The following SOX5 variants were observed in gnomAD, a reference collection of about 807,000 sequenced individuals.
The protein encoded by SOX5 is transcription factor SOX-5.
SOX5 carries 9 observed loss-of-function variants against 92.0 expected under a neutral mutation model. The ratio of observed to expected loss-of-function variants is 0.10; its 90% CI spans 0.06 to 0.17. The LOEUF (loss-of-function observed/expected upper bound fraction) is 0.17, where lower values mean the gene tolerates loss of function less well. Ranked by LOEUF, SOX5 falls within the 10% of genes least tolerant of loss-of-function variation. SOX5 has a pLI of 1.00. For synonymous variants in SOX5, 344 were observed against 336.3 expected, an observed-to-expected ratio of 1.02 and a Z score of -0.25; for missense variants, 642 against 944.5, an observed-to-expected ratio of 0.68 and a Z score of 4.20.
chr12:24,287,453 C>T (rs1595188252), intron 2 of SOX5, among the ~76,000 whole-genome samples: 2 of 152,092 alleles, frequency 1.3e-5, no homozygotes, highest in South Asian at 2.1e-4. Context: ...GCTTCCTTGC[C>T]GCTGTCAGCC....
At chr12:24,033,462 G>A (rs1275464661) in intron 4 of SOX5, among the ~76,000 whole-genome samples, 3 of 151,864 alleles carry the variant, frequency 2.0e-5, no homozygotes, top group Non-Finnish European at 4.4e-5. Flanking sequence ...AAAGTTTCTA[G>A]GCTTTTTATG....
chr12:23,629,622 A>C (rs1461625990), intron 8 of SOX5, among the ~76,000 whole-genome samples: 1 of 152,082 alleles, frequency 6.6e-6, no homozygotes, highest in Admixed American at 6.6e-5. Flanking sequence ...GCTTGAACAT[A>C]CTTGGAGTCC....
chr12:23,749,367 C>T (rs1044748553), intron 4 of SOX5, among the ~76,000 whole-genome samples: 1 of 151,824 alleles, frequency 6.6e-6, no homozygotes, highest in African/African-American at 2.4e-5. Context: ...AGTATTCTTA[C>T]CTTTTTAAAT....
At chr12:23,697,583 C>A (rs2090051767) in intron 6 of SOX5, among the ~76,000 whole-genome samples, 1 of 152,148 alleles carries the variant, frequency 6.6e-6, no homozygotes, top group Non-Finnish European at 1.5e-5. Flanking sequence ...CAGGTTCTCA[C>A]TCCGCCACCC....
intron 4 of SOX5, among the ~76,000 whole-genome samples, chr12:24,190,427 C>T (rs924337519): frequency 3.3e-5 from 5 of 152,174 alleles, no homozygotes; most frequent in African/African-American, 1.2e-4. Context: ...TTCTTAAAAA[C>T]CTATACGGAG....
rs61912573 is a variant in SOX5 at position 24,368,937 on chromosome 12, G to A, written c.-250-298C>T. On this transcript the variant is annotated intron_variant, in intron 1 of 4. Transcript: ENST00000446891. ...CAGTGAAGTGTTTGAGATGTCCTTT[G>A]GAGTTAGGCCAACAGAGGTCCAAAC... Among the ~76,000 whole-genome samples, 344 of 152,242 alleles carry A rather than the reference G, an allele frequency of 2.3e-3. 1 individual carries two copies. The highest frequency in any genetic ancestry group is 6.4e-3 in the South Asian group (31 of 4,818).
chr12:23,641,049 C>A, intron 7 of SOX5, 152 bp from the exon 8 acceptor site: 1 of 543,450 alleles, frequency 1.8e-6, no homozygotes, highest in East Asian at 3.2e-5. Context: ...TACTAACACT[C>A]TTTTCACAAT....
chr12:23,903,106 A>G (rs2097253975), intron 1 of SOX5, among the ~76,000 whole-genome samples: 1 of 152,212 alleles, frequency 6.6e-6, no homozygotes, highest in African/African-American at 2.4e-5. Context: ...AAAAACATTT[A>G]GTGAAAGATA....
intron 3 of SOX5, among the ~76,000 whole-genome samples, chr12:24,274,672 GAA>G (rs11394481): frequency 6.8e-6 from 1 of 146,200 alleles, no homozygotes; most frequent in Admixed American, 6.8e-5. Flanking sequence ...GTTTTGAAAG[GAA>G]AAAAAAAAAA....
chr12:24,130,779 C>T (rs897154183), intron 4 of SOX5, among the ~76,000 whole-genome samples: 1 of 152,172 alleles, frequency 6.6e-6, no homozygotes, highest in Admixed American at 6.6e-5. Flanking sequence ...TCTTTTTCCT[C>T]TATGCATTCT....
intron 4 of SOX5, among the ~76,000 whole-genome samples, chr12:24,179,239 C>A (rs937144082): frequency 6.6e-6 from 1 of 152,142 alleles, no homozygotes; most frequent in African/African-American, 2.4e-5. Context: ...GGAGAAGAAT[C>A]AATTTTTGTA....
intron 2 of SOX5, among the ~76,000 whole-genome samples, chr12:23,851,645 A>G (rs1334720447): frequency 6.6e-5 from 10 of 152,094 alleles, no homozygotes; most frequent in African/African-American, 2.4e-4. Context: ...AAACATAGCT[A>G]ATTGTACTTA....
intron 1 of SOX5, among the ~76,000 whole-genome samples, chr12:24,426,428 C>G (rs1005858696): frequency 6.6e-6 from 1 of 152,146 alleles, no homozygotes; most frequent in African/African-American, 2.4e-5. Context: ...CAAACCTGCA[C>G]GTTGTGCACA....
At chr12:24,084,322 C>T (rs1426634716) in intron 4 of SOX5, among the ~76,000 whole-genome samples, 1 of 151,980 alleles carries the variant, frequency 6.6e-6, no homozygotes, top group African/African-American at 2.4e-5. Flanking sequence ...AAACAGTCTA[C>T]TGTAGAGATG....
chr12:24,154,936 T>C (rs1411084012), intron 4 of SOX5, among the ~76,000 whole-genome samples: 1 of 152,284 alleles, frequency 6.6e-6, no homozygotes, highest in African/African-American at 2.4e-5. Flanking sequence ...AAGTAAATCA[T>C]GCCTTTTGAT....
At chr12:23,931,408 G>T (rs1302852231) in intron 1 of SOX5, among the ~76,000 whole-genome samples, 1 of 151,712 alleles carries the variant, frequency 6.6e-6, no homozygotes, top group East Asian at 1.9e-4. Flanking sequence ...GCCAAGATCT[G>T]AATAGAGGGA....
intron 2 of SOX5, among the ~76,000 whole-genome samples, chr12:24,286,729 C>T (rs1463922917): frequency 6.6e-6 from 1 of 152,030 alleles, no homozygotes; most frequent in Non-Finnish European, 1.5e-5. Flanking sequence ...GATCTCAGTA[C>T]ATTATGAAAA....
At chr12:24,442,482 AAAG>A in intron 1 of SOX5, among the ~76,000 whole-genome samples, 1 of 152,346 alleles carries the variant, frequency 6.6e-6, no homozygotes, top group East Asian at 1.9e-4. Flanking sequence ...AAAATAAAGC[AAAG>A]AAGAGAGAGA....
intron 2 of SOX5, among the ~76,000 whole-genome samples, chr12:24,287,282 A>G (rs1945990917): frequency 6.6e-6 from 1 of 152,246 alleles, no homozygotes; most frequent in Non-Finnish European, 1.5e-5. Context: ...ACATCAGAAA[A>G]TAAGTCAGAT....
Sources: allele counts gnomAD v4.1 joint callset (sites outside exome capture counted in the v4.1 genomes callset), GRCh38; gene constraint gnomAD v4.1.1; transcripts MANE v1.5; gene names NCBI Gene and HGNC (gene_info 2026-07-23, HGNC 2026-07-21).